The following SYNPO variants were observed in gnomAD, a reference collection of about 807,000 sequenced individuals.
The protein encoded by SYNPO is synaptopodin.
In SYNPO, 19 loss-of-function variants were observed where a neutral mutation model predicts 49.5. That is an observed-to-expected ratio of 0.38 (90% confidence interval 0.27 to 0.56). SYNPO has a LOEUF of 0.56. SYNPO is among the 20% of genes least tolerant of loss of function. SYNPO has a pLI of 0.68. For synonymous variants in SYNPO, 536 were observed against 548.0 expected (o/e 0.98, Z 0.31); for missense variants, 1,131 against 1,248.3 (o/e 0.91, Z 1.42).
the SYNPO span, among the ~76,000 whole-genome samples, chr5:150,590,541 A>G: frequency 6.6e-6 from 1 of 152,208 alleles, no homozygotes; most frequent in Non-Finnish European, 1.5e-5. Flanking sequence ...TTGGTTTCTC[A>G]GTTTCTCCAC....
chr5:150,640,088 C>T (rs567615648), upstream of SYNPO: 1 of 978,168 alleles, frequency 1.0e-6, no homozygotes, highest in South Asian at 4.7e-5. Flanking sequence ...TCATGGGTTG[C>T]TGTGGAAGTA....
chr5:150,629,926 G>T (rs981163638), intron 2 of SYNPO, among the ~76,000 whole-genome samples: 1 of 151,962 alleles, frequency 6.6e-6, no homozygotes, highest in African/African-American at 2.4e-5. Flanking sequence ...TAACTTCTTC[G>T]CAACATGGTC....
rs1261224147 is a variant in SYNPO at position 150,657,428 on chromosome 5, T to TCA, written c.*342_*343insAC. On this transcript the variant is annotated 3_prime_UTR_variant, in exon 3 of 3. Coordinates refer to ENST00000307662, the MANE Select transcript of SYNPO (RefSeq NM_007286.6). ...CACACTCTCTCTTTCTCTCTCTCTC[T>TCA]CTCTCACACACACACACACACACAC... 2.4e-5 allele frequency: 4 copies of TCA among 169,252 alleles called. No homozygotes were observed. In the East Asian group the frequency reaches 4.8e-4, roughly 20 times the overall value. The allele number at this position is 169,252 out of a possible 1,614,324, so 10.5% of individuals were successfully genotyped here.
rs1253089786 is a variant in SYNPO at position 150,659,125 on chromosome 5, C to A, written c.*2038C>A. 1 of 152,464 alleles carries A rather than the reference C, an allele frequency of 6.6e-6. No homozygotes were observed. The highest frequency in any genetic ancestry group is 1.5e-5 in the Non-Finnish European group (1 of 68,120). 9.4% of individuals were successfully genotyped at this position (152,464 alleles called of 1,614,324 possible). A position where few individuals can be genotyped will look rare whatever the true frequency, so the allele number is the denominator to read the frequency against. On this transcript the variant is annotated 3_prime_UTR_variant, in exon 3 of 3. Coordinates refer to ENST00000307662, the MANE Select transcript of SYNPO (RefSeq NM_007286.6). ...CACTGCCCTCTCCCCAACCTCTCCTCTAACCCACTAGAGATTGCCTGTGTC... is the reference window on the plus strand; with the variant it reads ...CACTGCCCTCTCCCCAACCTCTCCTATAACCCACTAGAGATTGCCTGTGTC...
exon 2 of SYNPO, chr5:150,618,116 G>C (rs902323314): frequency 2.3e-6 from 1 of 437,264 alleles, no homozygotes; most frequent in African/African-American, 2.0e-5. Flanking sequence ...GCCCCAAAGC[G>C]GCCTCACACC....
intron 2 of SYNPO, chr5:150,624,946 C>G: frequency 2.0e-6 from 2 of 985,514 alleles, no homozygotes; most frequent in Non-Finnish European, 2.4e-6. Flanking sequence ...GTGCGGGCAC[C>G]GCGCGAGCCT....
At chr5:150,596,606 C>T (rs33414), upstream of SYNPO, among the ~76,000 whole-genome samples, 1,526 of 152,212 alleles carry the variant, frequency 0.01, 9 homozygotes, top group Non-Finnish European at 0.016. Context: ...ATCAGGACGG[C>T]TCATGTGTCA....
At chr5:150,626,972 G>A (rs1410045930) in intron 2 of SYNPO, among the ~76,000 whole-genome samples, 3 of 152,174 alleles carry the variant, frequency 2.0e-5, no homozygotes, top group Non-Finnish European at 4.4e-5. Flanking sequence ...GCTGACATGT[G>A]TCTTCCTGAG....
intron 2 of SYNPO, among the ~76,000 whole-genome samples, chr5:150,655,186 A>G (rs867667371): frequency 2.6e-5 from 4 of 152,238 alleles, no homozygotes; most frequent in Non-Finnish European, 5.9e-5. Flanking sequence ...ATACATTCAT[A>G]TGGTTCAGAA....
chr5:150,631,230 C>G (rs1757525303), intron 2 of SYNPO, among the ~76,000 whole-genome samples: 1 of 152,222 alleles, frequency 6.6e-6, no homozygotes, highest in Admixed American at 6.5e-5. Context: ...CCTGCGGGGA[C>G]AGGCAGACTG....
At chr5:150,636,795 G>A (rs541363635), upstream of SYNPO, among the ~76,000 whole-genome samples, 128 of 151,976 alleles carry the variant, frequency 8.4e-4, no homozygotes, top group Admixed American at 1.5e-3. Flanking sequence ...GAGAGAACGC[G>A]GGGTGGGGGG....
chr5:150,586,768 T>G, the SYNPO span, among the ~76,000 whole-genome samples: 2,304 of 152,310 alleles, frequency 0.015, 45 homozygotes, highest in African/African-American at 0.044. Context: ...AGTAAAAACC[T>G]GAGAAATATT....
upstream of SYNPO, among the ~76,000 whole-genome samples, chr5:150,635,719 T>G (rs1295492610): frequency 6.6e-6 from 1 of 152,196 alleles, no homozygotes; most frequent in Non-Finnish European, 1.5e-5. Context: ...CGCCTCGGCC[T>G]CCCAAAGTGC....
chr5:150,657,147 G>A lies in SYNPO; in HGVS notation c.*60G>A. 6.6e-7 allele frequency: 1 copy of A among 1,512,244 alleles called. No homozygotes were observed. The highest frequency in any genetic ancestry group is 1.2e-5 in the South Asian group (1 of 80,136). 93.7% of individuals were successfully genotyped at this position (1,512,244 alleles called of 1,614,324 possible). A position where few individuals can be genotyped will look rare whatever the true frequency, so the allele number is the denominator to read the frequency against. On this transcript the variant is annotated 3_prime_UTR_variant, in exon 3 of 3. Coordinates refer to ENST00000307662, the MANE Select transcript of SYNPO (RefSeq NM_007286.6). The stretch of plus-strand genomic sequence containing the variant: ...GCCAGAAGAAGGCTCATTAGACCTG[G>A]GGGACCCAAAGGGTCTGGCCTCTTT...
At chr5:150,631,525 G>A (rs1757536501) in intron 2 of SYNPO, among the ~76,000 whole-genome samples, 1 of 152,210 alleles carries the variant, frequency 6.6e-6, no homozygotes, top group South Asian at 2.1e-4. Flanking sequence ...GGGAGGTGAA[G>A]CACCACGACG....
upstream of SYNPO, among the ~76,000 whole-genome samples, chr5:150,639,747 G>C (rs180912242): frequency 4.7e-4 from 71 of 152,354 alleles, no homozygotes; most frequent in African/African-American, 1.6e-3. Context: ...GTTGGCTCTT[G>C]TCATTCTCAT....
intron 1 of SYNPO, among the ~76,000 whole-genome samples, chr5:150,603,237 GGGT>G (rs1214783320): frequency 6.6e-6 from 1 of 152,236 alleles, no homozygotes; most frequent in Non-Finnish European, 1.5e-5. Flanking sequence ...CAGGATGGGT[GGGT>G]AGGCGAGAGG....
At position 150,656,689 on chromosome 5, in the gene SYNPO, C is replaced by A. The variant is rs371858363; in HGVS notation, c.2314C>A (p.Pro772Thr). The change falls in exon 3 of 3, where the codon CCG becomes ACG. Residue 772 changes from proline to threonine, a missense_variant. Transcript: ENST00000307662. The part of the protein sequence containing the change: ...INAARRKSAS[P>T]RSAGAENPRP... Reference sequence around the variant, plus strand: ...TGCGGCCCGGCGCAAGAGCGCCTCCCCGCGGTCGGCGGGCGCCGAGAACCC... The same window carrying A: ...TGCGGCCCGGCGCAAGAGCGCCTCCACGCGGTCGGCGGGCGCCGAGAACCC... 5 of 1,457,694 alleles carry A rather than the reference C, an allele frequency of 3.4e-6. No homozygotes were observed. The highest frequency in any genetic ancestry group is 4.5e-6 in the Non-Finnish European group (5 of 1,108,982). 90.3% of individuals were successfully genotyped at this position (1,457,694 alleles called of 1,614,324 possible).
rs763963486 is a variant in SYNPO, at chr5:150,649,881, C to T, written c.1606C>T (p.Pro536Ser). The T allele has an allele frequency of 5.0e-6, 8 of 1,609,834 alleles. No individual in the cohort carries two copies. In the East Asian group the frequency reaches 1.8e-4, roughly 36 times the overall value. ...GGCCTTCCGAGTGGCATCCCGAAGC[C>T]CAGCCCGGACCCCGCCTGCCTCCCT... ...PGAFRVASRS[P>S]ARTPPASLYH... The change falls in exon 2 of 3, where the codon CCA (proline) becomes TCA (serine). Residue 536 changes from proline to serine, a missense_variant. This residue lies in a region of SYNPO where 602 missense variants were observed against 720.7 expected (regional missense o/e 0.84). Coordinates refer to ENST00000307662, the MANE Select transcript of SYNPO (RefSeq NM_007286.6).
Sources: gnomAD v4.1 joint callset for allele counts (sites outside exome capture counted in the v4.1 genomes callset) on GRCh38, gnomAD v4.1.1 for gene constraint, gnomAD v4.1.1 regional missense constraint, MANE v1.5 for transcripts, NCBI Gene and HGNC (gene_info 2026-07-23, HGNC 2026-07-21) for gene names.